GSR: variants seen among roughly 807,000 people sequenced by gnomAD.
GSR encodes the protein glutathione reductase, mitochondrial.
A neutral mutation model predicts 56.5 loss-of-function variants in GSR; 48 were observed. That is an observed-to-expected ratio of 0.85 (90% CI 0.67 to 1.08). The LOEUF (loss-of-function observed/expected upper bound fraction) is 1.08. GSR is among the 50% of genes least tolerant of loss of function. The probability of loss-of-function intolerance (pLI) is 0.00; values close to 1 mark genes in which losing one functional copy is unlikely to be tolerated. For synonymous variants in GSR, 264 were observed against 270.8 expected, an observed-to-expected ratio of 0.97 and a Z score of 0.25; for missense variants, 694 against 703.3, an observed-to-expected ratio of 0.99 and a Z score of 0.15.
intron 2 of GSR, among the ~76,000 whole-genome samples, chr8:30,710,813 A>G (rs1480013245): frequency 1.3e-5 from 2 of 151,508 alleles, no homozygotes; most frequent in African/African-American, 4.8e-5. Flanking sequence ...TGTGATCAGA[A>G]GGAATAAGTA....
chr8:30,693,153 C>A, intron 7 of GSR, 98 bp from the exon 8 acceptor site: 1 of 757,952 alleles, frequency 1.3e-6, no homozygotes, highest in East Asian at 2.6e-5. Flanking sequence ...TATCTCTCCC[C>A]TAATTATTTC....
At chr8:30,726,497 G>A (rs1804728027) in intron 1 of GSR, among the ~76,000 whole-genome samples, 1 of 152,154 alleles carries the variant, frequency 6.6e-6, no homozygotes, top group Admixed American at 6.5e-5. Flanking sequence ...AGTGGCTCAG[G>A]CTTGTAATCC....
intron 8 of GSR, among the ~76,000 whole-genome samples, chr8:30,691,410 G>A (rs1803373053): frequency 6.6e-6 from 1 of 151,952 alleles, no homozygotes; most frequent in African/African-American, 2.4e-5. Context: ...GCTGGGCACA[G>A]TAGCTCACTC....
Position 30,712,041 on chromosome 8 carries a change from A to G in GSR, c.333+21T>C, listed in dbSNP as rs766513941. 1.9e-5 allele frequency: 23 copies of G among 1,240,784 alleles called. No homozygotes were observed. In the African/African-American group the frequency reaches 3.1e-4, roughly 17 times the overall value. The allele number at this position is 1,240,784 out of a possible 1,614,324, so 76.9% of individuals were successfully genotyped here. On this transcript the variant is annotated intron_variant, in intron 2 of 12. Transcript: ENST00000221130. ...CAAATAGAAAAAGGATTGTAAAGGG[A>G]AAGAGAAATAAAAATTCTACCTTTT...
In GSR at chr8:30,680,939, C is replaced by T. The variant is rs1369401364; in HGVS notation, c.1384G>A (p.Val462Met). ...HAVTKRKTKC[V>M]MKMVCANKEE... is the part of the protein sequence containing the mutation. Reference sequence around the variant, plus strand: ...TTGTTAGCACAGACCATTTTCATCACACATTTTGTTTTCCTTTTGGTAACT... The same window carrying T: ...TTGTTAGCACAGACCATTTTCATCATACATTTTGTTTTCCTTTTGGTAACT... Residue 462 changes from valine to methionine, a missense_variant, in exon 12 of 13, where the codon GTG (valine) becomes ATG (methionine). Transcript: ENST00000221130. 1.2e-6 allele frequency: 2 copies of T among 1,613,716 alleles called. No individual in the cohort carries two copies. The highest frequency in any genetic ancestry group is 1.7e-6 in the Non-Finnish European group (2 of 1,179,828).
chr8:30,696,478 G>A lies in GSR; in HGVS notation c.697C>T (p.Arg233Cys), dbSNP rs145851500. The part of the protein sequence containing the change: ...GFFQLEELPG[R>C]SVIVGAGYIA... ...TAACCTGCACCAACAATGACGCTGCGGCTGAGACGCGAGCAGAGGGTTAGT... is the reference window on the plus strand; with the variant it reads ...TAACCTGCACCAACAATGACGCTGCAGCTGAGACGCGAGCAGAGGGTTAGT... The change falls in exon 7 of 13, where the codon CGC becomes TGC. Residue 233 changes from arginine to cysteine, a missense_variant and splice_region_variant. Physicochemically the swap from Arg to Cys is radical, Grantham distance 180. Transcript: ENST00000221130. The A allele has an allele frequency of 8.7e-5, 140 of 1,602,724 alleles. No homozygotes were observed. The African/African-American group carries it at 1.4e-3, about 16-fold the overall frequency.
intron 6 of GSR, among the ~76,000 whole-genome samples, chr8:30,698,696 CTA>C (rs1461280769): frequency 1.3e-5 from 2 of 152,186 alleles, no homozygotes; most frequent in African/African-American, 4.8e-5. Context: ...GGCTCATGGA[CTA>C]TGAGTCACTC....
chr8:30,703,368 T>C, intron 4 of GSR, 128 bp from the exon 5 acceptor site: 2 of 944,334 alleles, frequency 2.1e-6, no homozygotes, highest in Non-Finnish European at 3.4e-6. Context: ...AACACAATTC[T>C]CCGTTTTTCA....
At position 30,711,366 on chromosome 8, in the gene GSR, T is replaced by TA. The variant is rs374950705; in HGVS notation, c.333+695dup. Among the ~76,000 whole-genome samples the TA allele has an allele frequency of 2.6e-4, 39 of 151,866 alleles. 1 individual carries two copies. The highest frequency in any genetic ancestry group is 8.7e-4 in the African/African-American group (36 of 41,432). ...GCTGTTTTTTCCTCTTTGTCAAGGG[T>TA]AAAAAAAATGAATTCATTCAATGTG... On this transcript the variant is annotated intron_variant, in intron 2 of 12. Transcript: ENST00000221130.
chr8:30,695,747 T>C (rs1013599576), intron 7 of GSR, among the ~76,000 whole-genome samples: 2 of 152,104 alleles, frequency 1.3e-5, no homozygotes, highest in African/African-American at 2.4e-5. Context: ...CAGAAATTAA[T>C]AAATTAACCT....
chr8:30,725,881 C>CAAAA (rs59192685), intron 1 of GSR, among the ~76,000 whole-genome samples: 6 of 60,032 alleles, frequency 1.0e-4, no homozygotes, highest in Admixed American at 2.0e-4. Context: ...GACTCCCTCT[C>CAAAA]AAAAAAAAAA....
chr8:30,723,301 A>G (rs1045871679), intron 1 of GSR, among the ~76,000 whole-genome samples: 4 of 152,174 alleles, frequency 2.6e-5, no homozygotes, highest in Non-Finnish European at 5.9e-5. Context: ...ATCATGAGAT[A>G]AGCAATATAC....
Position 30,692,962 on chromosome 8 carries a change from A to G in GSR, c.882+7T>C. 1 of 1,589,142 alleles carries G rather than the reference A, an allele frequency of 6.3e-7. No individual in the cohort carries two copies. Among genetic ancestry groups the G allele is most frequent in the Non-Finnish European group, 8.6e-7 (1 of 1,158,496 alleles). ...GGCCGCGTGCATGCCTGGGCTTGGCACTGTACCTGGGAGAACTTCAGCACC... is the reference window on the plus strand; with the variant it reads ...GGCCGCGTGCATGCCTGGGCTTGGCGCTGTACCTGGGAGAACTTCAGCACC... On this transcript the variant is annotated splice_region_variant and intron_variant, in intron 8 of 12. Transcript: ENST00000221130.
intron 4 of GSR, among the ~76,000 whole-genome samples, chr8:30,703,711 C>T: frequency 6.7e-6 from 1 of 150,356 alleles, no homozygotes; most frequent in Non-Finnish European, 1.5e-5. Flanking sequence ...GGCACCACTG[C>T]ACTCCAGCCT....
At chr8:30,713,728 T>C (rs982227167) in intron 1 of GSR, among the ~76,000 whole-genome samples, 3 of 152,204 alleles carry the variant, frequency 2.0e-5, no homozygotes, top group East Asian at 1.9e-4. Context: ...ATCTGTCAGA[T>C]TGGCAAAAAT....
At chr8:30,688,537 C>T (rs1020137526) in intron 9 of GSR, among the ~76,000 whole-genome samples, 36 of 140,356 alleles carry the variant, frequency 2.6e-4, no homozygotes, top group Admixed American at 1.0e-3. Flanking sequence ...TATGATCATG[C>T]CACTGTACAC....
rs778430735 is a variant in GSR at position 30,684,142 on chromosome 8, C to A, written c.1099G>T (p.Val367Phe). Residue 367 changes from valine (V) to phenylalanine (F), a missense_variant, in exon 10 of 13, where the codon GTC (valine) becomes TTC (phenylalanine). Val to Phe is a conservative substitution (Grantham distance 50). Coordinates refer to ENST00000221130, the MANE Select transcript of GSR (RefSeq NM_000637.5). The part of the protein sequence containing the change: ...IIVDEFQNTN[V>F]KGIYAVGDVC... ...TCCCCAACTGCATAGATGCCTTTGA[C>A]GTTGGTATTCTGGAATTCGTCTACG... The A allele has an allele frequency of 8.1e-6, 13 of 1,610,092 alleles. No individual in the cohort carries two copies. The highest frequency in any genetic ancestry group is 3.3e-5 in the Admixed American group (2 of 59,976).
chr8:30,689,076 C>G (rs1439252666), intron 9 of GSR, 85 bp downstream of exon 9: 1 of 1,173,396 alleles, frequency 8.5e-7, no homozygotes, highest in African/African-American at 1.5e-5. Flanking sequence ...GGAATCCACC[C>G]AAGTTTTGGG....
Position 30,700,141 on chromosome 8 carries a change from T to C in GSR, c.641-6A>G, listed in dbSNP as rs760871284. ...GGTTATTCCTAAGCTGGCACCTATGTAGAAAAAGGCAACATAGATCACACA... is the reference window on the plus strand; with the variant it reads ...GGTTATTCCTAAGCTGGCACCTATGCAGAAAAAGGCAACATAGATCACACA... On this transcript the variant is annotated splice_region_variant and splice_polypyrimidine_tract_variant and intron_variant, in intron 5 of 12. Transcript: ENST00000221130. 1 of 1,606,202 alleles carries C rather than the reference T, an allele frequency of 6.2e-7. No homozygotes were observed. Among genetic ancestry groups the C allele is most frequent in the South Asian group, 1.1e-5 (1 of 90,902 alleles).
Sources: allele counts gnomAD v4.1 joint callset (sites outside exome capture counted in the v4.1 genomes callset), GRCh38; gene constraint gnomAD v4.1.1; transcripts MANE v1.5; gene names NCBI Gene and HGNC (gene_info 2026-07-23, HGNC 2026-07-21).